The following CLYBL variants were observed in gnomAD, a reference collection of about 807,000 sequenced individuals.
CLYBL encodes citramalyl-CoA lyase, also known as citramalyl-CoA lyase, mitochondrial.
CLYBL carries 31 observed loss-of-function variants against 38.9 expected under a neutral mutation model. That is an observed-to-expected ratio of 0.80 (90% CI 0.60 to 1.08). The LOEUF (loss-of-function observed/expected upper bound fraction) is 1.08, where lower values mean the gene tolerates loss of function less well. Ranked by LOEUF, CLYBL falls within the 50% of genes least tolerant of loss-of-function variation. The pLI is 0.00. For synonymous variants in CLYBL, 171 were observed against 158.6 expected (o/e 1.08, Z -0.59); for missense variants, 434 against 411.6 (o/e 1.05, Z -0.47).
At chr13:99,686,281 C>T in intron 1 of CLYBL, among the ~76,000 whole-genome samples, 1 of 152,212 alleles carries the variant, frequency 6.6e-6, no homozygotes. Context: ...TGCTCCTAGA[C>T]TGACATGGGC....
At chr13:99,753,453 G>A (rs1023107715) in intron 1 of CLYBL, among the ~76,000 whole-genome samples, 16 of 152,180 alleles carry the variant, frequency 1.1e-4, no homozygotes, top group South Asian at 4.1e-4. Flanking sequence ...GCAGAGGTGC[G>A]TGCAAGGCAC....
chr13:99,848,181 C>T (rs2051252465), intron 2 of CLYBL, among the ~76,000 whole-genome samples: 1 of 152,178 alleles, frequency 6.6e-6, no homozygotes, highest in Non-Finnish European at 1.5e-5. Context: ...TCCTCCAACC[C>T]CCTTCTCAGC....
chr13:99,666,531 T>G (rs1012410026), intron 1 of CLYBL, among the ~76,000 whole-genome samples: 3 of 152,132 alleles, frequency 2.0e-5, no homozygotes, highest in African/African-American at 7.2e-5. Flanking sequence ...TCTTAAATTG[T>G]TATTTCGAGC....
intron 1 of CLYBL, among the ~76,000 whole-genome samples, chr13:99,764,847 A>C (rs544366256): frequency 7.1e-6 from 1 of 140,174 alleles, no homozygotes; most frequent in South Asian, 2.3e-4. Context: ...TGCCTGGCTA[A>C]TTTTTTTTTT....
At chr13:99,795,283 T>C (rs1211195734) in intron 2 of CLYBL, among the ~76,000 whole-genome samples, 1 of 152,220 alleles carries the variant, frequency 6.6e-6, no homozygotes, top group Non-Finnish European at 1.5e-5. Flanking sequence ...GGGCCCTGAA[T>C]TCTCAGCCAA....
intron 2 of CLYBL, among the ~76,000 whole-genome samples, chr13:99,830,626 C>A (rs1320531789): frequency 6.6e-6 from 1 of 152,176 alleles, no homozygotes; most frequent in Non-Finnish European, 1.5e-5. Context: ...TCCTAGGACA[C>A]AGTGACACCC....
intron 1 of CLYBL, among the ~76,000 whole-genome samples, chr13:99,607,390 A>C (rs2046544336): frequency 6.6e-6 from 1 of 152,200 alleles, no homozygotes. Context: ...GTCTCATATC[A>C]GCTGTTTTGA....
intron 1 of CLYBL, among the ~76,000 whole-genome samples, chr13:99,671,351 A>C (rs2047562199): frequency 6.6e-6 from 1 of 152,130 alleles, no homozygotes; most frequent in African/African-American, 2.4e-5. Context: ...CTGAGCAGGG[A>C]GTTGCTACTG....
At chr13:99,799,127 T>G (rs1359145613) in intron 2 of CLYBL, among the ~76,000 whole-genome samples, 1 of 152,162 alleles carries the variant, frequency 6.6e-6, no homozygotes, top group Non-Finnish European at 1.5e-5. Context: ...GGAAAGACAG[T>G]GGAGGCTGGG....
intron 2 of CLYBL, among the ~76,000 whole-genome samples, chr13:99,853,601 G>A (rs955389331): frequency 1.3e-5 from 2 of 152,046 alleles, no homozygotes; most frequent in African/African-American, 2.4e-5. Flanking sequence ...CACCTTGCCT[G>A]TTGAAACATA....
At chr13:99,746,896 C>T (rs2139619423) in intron 1 of CLYBL, among the ~76,000 whole-genome samples, 1 of 152,300 alleles carries the variant, frequency 6.6e-6, no homozygotes, top group Non-Finnish European at 1.5e-5. Context: ...GAACAACATC[C>T]TTTGACTCCT....
intron 1 of CLYBL, among the ~76,000 whole-genome samples, chr13:99,641,993 T>G (rs1212406771): frequency 6.6e-6 from 1 of 152,158 alleles, no homozygotes; most frequent in African/African-American, 2.4e-5. Flanking sequence ...ATTTAAAATA[T>G]GACAATGCAG....
intron 8 of CLYBL, among the ~76,000 whole-genome samples, chr13:99,904,299 G>A (rs1172687454): frequency 6.6e-6 from 1 of 152,138 alleles, no homozygotes; most frequent in Non-Finnish European, 1.5e-5. Context: ...CCCAGACCTC[G>A]AAAGGCGAAA....
chr13:99,678,170 T>C (rs2047681576), intron 1 of CLYBL, among the ~76,000 whole-genome samples: 1 of 152,218 alleles, frequency 6.6e-6, no homozygotes, highest in Non-Finnish European at 1.5e-5. Context: ...AAAAGGAAGT[T>C]GTCTTCTTAA....
intron 1 of CLYBL, among the ~76,000 whole-genome samples, chr13:99,655,402 A>T (rs1006512819): frequency 1.3e-5 from 2 of 152,146 alleles, no homozygotes; most frequent in African/African-American, 4.8e-5. Context: ...TACTGGCAAG[A>T]TGATGTATGC....
intron 1 of CLYBL, among the ~76,000 whole-genome samples, chr13:99,642,839 G>A (rs1047743179): frequency 4.0e-5 from 6 of 151,590 alleles, no homozygotes; most frequent in Non-Finnish European, 5.9e-5. Flanking sequence ...GCTCACTGCA[G>A]CCTTAACCTC....
At chr13:99,906,872 G>A (rs1399490460) in intron 9 of CLYBL, among the ~76,000 whole-genome samples, 2 of 152,194 alleles carry the variant, frequency 1.3e-5, no homozygotes, top group Non-Finnish European at 2.9e-5. Flanking sequence ...CCCACAGCGG[G>A]TGGCTTGGAA....
At chr13:99,718,395 A>C (rs1053306697) in intron 1 of CLYBL, among the ~76,000 whole-genome samples, 1 of 150,876 alleles carries the variant, frequency 6.6e-6, no homozygotes, top group Non-Finnish European at 1.5e-5. Flanking sequence ...AAAAACCTAG[A>C]GAGGGTTTTC....
intron 2 of CLYBL, among the ~76,000 whole-genome samples, chr13:99,821,570 A>G (rs894379422): frequency 1.3e-5 from 2 of 152,200 alleles, no homozygotes. Flanking sequence ...GATACTACAT[A>G]TATGTGGTCA....
Sources: gnomAD v4.1 joint callset for allele counts (sites outside exome capture counted in the v4.1 genomes callset) on GRCh38, gnomAD v4.1.1 for gene constraint, MANE v1.5 for transcripts, NCBI Gene and HGNC (gene_info 2026-07-23, HGNC 2026-07-21) for gene names.